Variants in SHISA6 observed in about 807,000 individuals in gnomAD.
The protein encoded by SHISA6 is shisa family member 6.
In SHISA6, 22 loss-of-function variants were observed where a neutral mutation model predicts 47.9. The observed-to-expected ratio is 0.46, with a 90% confidence interval of 0.33 to 0.66. The LOEUF is 0.66. Among genes scored for constraint, SHISA6 ranks in the 30% least tolerant of loss-of-function variants. The pLI is 0.02. For synonymous variants in SHISA6, 388 were observed against 337.8 expected, an observed-to-expected ratio of 1.15 and a Z score of -1.63; for missense variants, 680 against 764.6, an observed-to-expected ratio of 0.89 and a Z score of 1.30.
intron 2 of SHISA6, among the ~76,000 whole-genome samples, chr17:11,359,784 G>T (rs974181785): frequency 4.6e-5 from 7 of 152,134 alleles, no homozygotes; most frequent in Admixed American, 4.6e-4. Flanking sequence ...GTGGGAGAGG[G>T]TCATGTGATA....
At position 11,560,018 on chromosome 17, in the gene SHISA6, G is replaced by T. The variant is rs1023751261; in HGVS notation, c.*1714G>T. On this transcript the variant is annotated 3_prime_UTR_variant, in exon 6 of 6. Transcript: ENST00000441885. ...CAACAGCAGTGCCCTTATAAATGGG[G>T]TTTTACCTGCCCTCAGTTCTGCACT... is the stretch of plus-strand genomic sequence containing the variant. 3 of 152,244 alleles carry T rather than the reference G, an allele frequency of 2.0e-5. No homozygotes were observed. Among genetic ancestry groups the T allele is most frequent in the African/African-American group, 7.2e-5 (3 of 41,452 alleles). The allele number at this position is 152,244 out of a possible 1,614,324, so 9.4% of individuals were successfully genotyped here.
chr17:11,296,357 G>A (rs1909751396), intron 2 of SHISA6, among the ~76,000 whole-genome samples: 1 of 152,164 alleles, frequency 6.6e-6, no homozygotes, highest in Non-Finnish European at 1.5e-5. Flanking sequence ...AGTAGGTGGT[G>A]GAAAGGAGCG....
In SHISA6 at chr17:11,253,513, A is replaced by T. The variant is rs114926538; in HGVS notation, c.639-9853A>T. 1.8e-3 allele frequency among the ~76,000 whole-genome samples: 281 copies of T among 152,198 alleles called. 2 individuals carry two copies. The highest frequency in any genetic ancestry group is 6.4e-3 in the African/African-American group (267 of 41,522). ...AAGTAGCTCTTCGAAGATCAATTTT[A>T]TTTTATTTTTTTAGTTGAGTTTGAA... is the stretch of plus-strand genomic sequence containing the variant. On this transcript the variant is annotated intron_variant, in intron 1 of 5. Transcript: ENST00000441885.
At chr17:11,412,283 C>T (rs189153403) in intron 3 of SHISA6, among the ~76,000 whole-genome samples, 4 of 152,280 alleles carry the variant, frequency 2.6e-5, no homozygotes, top group African/African-American at 7.2e-5. Flanking sequence ...TGAAGTACCT[C>T]ACACACTGGC....
At chr17:11,439,319 A>G (rs1206514402) in intron 3 of SHISA6, among the ~76,000 whole-genome samples, 1 of 152,140 alleles carries the variant, frequency 6.6e-6, no homozygotes, top group Non-Finnish European at 1.5e-5. Flanking sequence ...TGCTAGAATA[A>G]CGTACATCTA....
chr17:11,402,591 G>A (rs1913814774), intron 3 of SHISA6, among the ~76,000 whole-genome samples: 1 of 152,182 alleles, frequency 6.6e-6, no homozygotes, highest in South Asian at 2.1e-4. Flanking sequence ...ATGTGGCAGA[G>A]GATGAGGATT....
At chr17:11,428,379 G>A (rs950647430) in intron 3 of SHISA6, among the ~76,000 whole-genome samples, 1 of 152,164 alleles carries the variant, frequency 6.6e-6, no homozygotes, top group Non-Finnish European at 1.5e-5. Flanking sequence ...GGAGGAACAC[G>A]TACGTCCTGA....
chr17:11,553,353 A>G (rs920549880), intron 4 of SHISA6, among the ~76,000 whole-genome samples: 2 of 152,174 alleles, frequency 1.3e-5, no homozygotes, highest in Non-Finnish European at 2.9e-5. Flanking sequence ...AAAGGCACGC[A>G]AGGAGAGCTC....
At chr17:11,355,978 A>G (rs1396832619) in intron 2 of SHISA6, among the ~76,000 whole-genome samples, 2 of 152,234 alleles carry the variant, frequency 1.3e-5, no homozygotes, top group Non-Finnish European at 2.9e-5. Context: ...TGAGACCAAA[A>G]TGGCTAATGC....
chr17:11,443,391 A>G (rs1472719125), intron 3 of SHISA6, among the ~76,000 whole-genome samples: 2 of 152,206 alleles, frequency 1.3e-5, no homozygotes, highest in Non-Finnish European at 2.9e-5. Context: ...ATTGCAATAT[A>G]TTATGATTTG....
At chr17:11,343,697 G>A (rs1911609016) in intron 2 of SHISA6, among the ~76,000 whole-genome samples, 1 of 152,238 alleles carries the variant, frequency 6.6e-6, no homozygotes, top group Admixed American at 6.5e-5. Flanking sequence ...AAAAGCTGCA[G>A]GGCAGAAAGC....
intron 2 of SHISA6, among the ~76,000 whole-genome samples, chr17:11,283,017 G>A (rs1005991058): frequency 1.3e-5 from 2 of 152,298 alleles, no homozygotes; most frequent in African/African-American, 4.8e-5. Context: ...CTAGCGAAGT[G>A]TAAAGATCAT....
rs540685536 is a variant in SHISA6, at chr17:11,506,320, T to C, written c.896-45576T>C. ...TCTCTCTCCCTTCCTCTTTCCTTAA[T>C]TACTGTCTGCAATTACTTTGGGGAG... is the stretch of plus-strand genomic sequence containing the variant. On this transcript the variant is annotated intron_variant, in intron 3 of 5. Coordinates refer to ENST00000441885, the MANE Select transcript of SHISA6 (RefSeq NM_207386.4). Among the ~76,000 whole-genome samples the C allele has an allele frequency of 5.3e-5, 8 of 152,308 alleles. No individual in the cohort carries two copies. The East Asian group carries it at 1.4e-3, about 26-fold the overall frequency.
intron 1 of SHISA6, among the ~76,000 whole-genome samples, chr17:11,243,997 G>A (rs1907478481): frequency 6.6e-6 from 1 of 152,174 alleles, no homozygotes; most frequent in African/African-American, 2.4e-5. Flanking sequence ...GGCATCTTTG[G>A]ATGCTGGCAT....
chr17:11,486,852 C>A (rs754935494), intron 3 of SHISA6, among the ~76,000 whole-genome samples: 17 of 152,228 alleles, frequency 1.1e-4, no homozygotes, highest in Non-Finnish European at 2.4e-4. Context: ...AATAGGCAGA[C>A]TGTCACTACT....
chr17:11,278,076 C>T (rs781395686), intron 2 of SHISA6, among the ~76,000 whole-genome samples: 2 of 152,054 alleles, frequency 1.3e-5, no homozygotes, highest in South Asian at 2.1e-4. Context: ...TACCACAAAC[C>T]GTTGGTATTA....
intron 3 of SHISA6, among the ~76,000 whole-genome samples, chr17:11,514,803 G>A (rs1400354375): frequency 6.6e-6 from 1 of 152,212 alleles, no homozygotes; most frequent in Non-Finnish European, 1.5e-5. Flanking sequence ...TTCTCAGGAG[G>A]TTCTTGCACA....
intron 2 of SHISA6, among the ~76,000 whole-genome samples, chr17:11,361,333 A>C (rs1912276308): frequency 6.6e-6 from 1 of 152,182 alleles, no homozygotes. Flanking sequence ...TGTGTGTACT[A>C]TTGCCATGCA....
chr17:11,541,470 T>C (rs2071833136), intron 3 of SHISA6, among the ~76,000 whole-genome samples: 1 of 152,198 alleles, frequency 6.6e-6, no homozygotes, highest in Non-Finnish European at 1.5e-5. Context: ...AAGAGTCCCA[T>C]GTGGAATCTT....
Sources: gnomAD v4.1 joint callset for allele counts (sites outside exome capture counted in the v4.1 genomes callset) on GRCh38, gnomAD v4.1.1 for gene constraint, MANE v1.5 for transcripts, NCBI Gene and HGNC (gene_info 2026-07-23, HGNC 2026-07-21) for gene names.